PTPRD: variants seen among roughly 807,000 people sequenced by gnomAD.
The protein encoded by PTPRD is protein tyrosine phosphatase receptor type D, also known as receptor-type tyrosine-protein phosphatase delta.
In PTPRD, 34 loss-of-function variants were observed where a neutral mutation model predicts 214.5. The observed-to-expected ratio is 0.16, with a 90% CI of 0.12 to 0.21. The LOEUF is 0.21. Ranked by LOEUF, PTPRD falls within the 10% of genes least tolerant of loss-of-function variation. PTPRD has a pLI of 1.00. For synonymous variants in PTPRD, 1,128 were observed against 845.7 expected, an observed-to-expected ratio of 1.33 and a Z score of -5.79; for missense variants, 2,545 against 2,398.7, an observed-to-expected ratio of 1.06 and a Z score of -1.27.
intron 14 of PTPRD, among the ~76,000 whole-genome samples, chr9:8,595,030 T>A (rs2094399586): frequency 6.6e-6 from 1 of 151,228 alleles, no homozygotes; most frequent in Non-Finnish European, 1.5e-5. Context: ...GCCCAGCTAA[T>A]TTTTTTGTAT....
intron 11 of PTPRD, among the ~76,000 whole-genome samples, chr9:8,997,442 T>C (rs1394745953): frequency 6.6e-6 from 1 of 152,108 alleles, no homozygotes; most frequent in South Asian, 2.1e-4. Flanking sequence ...CACTGATCTC[T>C]GATGTTACTC....
intron 23 of PTPRD, among the ~76,000 whole-genome samples, chr9:8,502,119 T>A (rs1173017230): frequency 6.6e-6 from 1 of 152,170 alleles, no homozygotes; most frequent in Admixed American, 6.5e-5. Flanking sequence ...AGTCACTTTC[T>A]GAGCAATCAT....
At chr9:9,593,535 A>T (rs1007358459) in intron 7 of PTPRD, among the ~76,000 whole-genome samples, 6 of 152,026 alleles carry the variant, frequency 3.9e-5, no homozygotes, top group African/African-American at 1.4e-4. Context: ...CCTGATAAAA[A>T]ATGTTAATAT....
chr9:8,946,215 T>C (rs2099063195), intron 11 of PTPRD, among the ~76,000 whole-genome samples: 1 of 152,224 alleles, frequency 6.6e-6, no homozygotes, highest in African/African-American at 2.4e-5. Flanking sequence ...TGACAATTAC[T>C]TGTTTTTTTG....
At chr9:9,565,272 T>C (rs575271052) in intron 8 of PTPRD, among the ~76,000 whole-genome samples, 29 of 151,994 alleles carry the variant, frequency 1.9e-4, no homozygotes, top group African/African-American at 7.0e-4. Flanking sequence ...CTGTTTTGAT[T>C]AGGAATTTTC....
chr9:10,523,687 G>C (rs2053309312), intron 2 of PTPRD, among the ~76,000 whole-genome samples: 1 of 138,248 alleles, frequency 7.2e-6, no homozygotes, highest in East Asian at 2.2e-4. Flanking sequence ...AGAGAAAGCG[G>C]CTCTAATATG....
At chr9:10,456,865 G>A (rs1384868228) in intron 2 of PTPRD, among the ~76,000 whole-genome samples, 1 of 151,818 alleles carries the variant, frequency 6.6e-6, no homozygotes, top group Non-Finnish European at 1.5e-5. Flanking sequence ...TATATAGGCT[G>A]CCCCCAATTC....
chr9:8,360,655 T>C (rs181876003), intron 39 of PTPRD, among the ~76,000 whole-genome samples: 1 of 152,238 alleles, frequency 6.6e-6, no homozygotes, highest in Non-Finnish European at 1.5e-5. Context: ...GTTATATTTA[T>C]ATATACATTT....
At chr9:8,677,596 C>T (rs143814077) in intron 12 of PTPRD, among the ~76,000 whole-genome samples, 39 of 152,248 alleles carry the variant, frequency 2.6e-4, no homozygotes, top group African/African-American at 9.1e-4. Flanking sequence ...ATAATAAGTA[C>T]ACCAAACTCC....
At chr9:9,856,444 C>G (rs1030596800) in intron 5 of PTPRD, among the ~76,000 whole-genome samples, 7 of 152,128 alleles carry the variant, frequency 4.6e-5, no homozygotes, top group Admixed American at 1.3e-4. Flanking sequence ...CTGTCTCTAT[C>G]AAAAGTACAG....
At chr9:9,904,633 T>C (rs2077133020) in intron 5 of PTPRD, among the ~76,000 whole-genome samples, 4 of 151,828 alleles carry the variant, frequency 2.6e-5, no homozygotes. Context: ...AAGGATTAAA[T>C]GCAATAATGC....
intron 9 of PTPRD, among the ~76,000 whole-genome samples, chr9:9,248,435 T>A (rs2099974010): frequency 6.6e-6 from 1 of 152,030 alleles, no homozygotes; most frequent in African/African-American, 2.4e-5. Flanking sequence ...TTTTATAACA[T>A]TTGTAATTAT....
At chr9:10,380,817 A>G (rs2097804929) in intron 2 of PTPRD, among the ~76,000 whole-genome samples, 1 of 152,020 alleles carries the variant, frequency 6.6e-6, no homozygotes, top group Non-Finnish European at 1.5e-5. Context: ...TGATACCTAG[A>G]TATTCTGTGC....
intron 7 of PTPRD, among the ~76,000 whole-genome samples, chr9:9,669,936 A>G (rs1564439442): frequency 2.0e-5 from 3 of 152,222 alleles, no homozygotes; most frequent in Non-Finnish European, 4.4e-5. Context: ...TAATTCATTT[A>G]CCATATCCCT....
At chr9:9,407,206 G>T (rs1301094209) in intron 8 of PTPRD, among the ~76,000 whole-genome samples, 2 of 151,636 alleles carry the variant, frequency 1.3e-5, no homozygotes, top group Non-Finnish European at 3.0e-5. Context: ...TGTTTTTGGT[G>T]TCTGGCTTTT....
intron 11 of PTPRD, among the ~76,000 whole-genome samples, chr9:8,735,199 A>G (rs1352628089): frequency 7.0e-6 from 1 of 142,276 alleles, no homozygotes; most frequent in East Asian, 2.1e-4. Flanking sequence ...GCTGTAGTGC[A>G]GTGGTACAAT....
chr9:8,919,787 AC>A (rs917676546), intron 11 of PTPRD, among the ~76,000 whole-genome samples: 24 of 150,794 alleles, frequency 1.6e-4, no homozygotes, highest in African/African-American at 5.6e-4. Context: ...ACATCTATGC[AC>A]AATACATACA....
chr9:9,087,628 T>C (rs1591386977), intron 10 of PTPRD, among the ~76,000 whole-genome samples: 1 of 152,138 alleles, frequency 6.6e-6, no homozygotes, highest in East Asian at 1.9e-4. Context: ...GTTCATCACA[T>C]ACATAATCTC....
intron 43 of PTPRD, among the ~76,000 whole-genome samples, chr9:8,338,479 C>A (rs553296475): frequency 1.3e-5 from 2 of 152,212 alleles, no homozygotes; most frequent in Admixed American, 1.3e-4. Flanking sequence ...GCCATTTGCT[C>A]TGCGGTTTTA....
Sources: allele counts gnomAD v4.1 joint callset (sites outside exome capture counted in the v4.1 genomes callset), GRCh38; gene constraint gnomAD v4.1.1; transcripts MANE v1.5; gene names NCBI Gene and HGNC (gene_info 2026-07-23, HGNC 2026-07-21).